PLCH1: variants seen among roughly 807,000 people sequenced by gnomAD.
PLCH1 encodes the protein phospholipase C eta 1.
PLCH1 carries 60 observed loss-of-function variants against 126.7 expected under a neutral mutation model. The observed-to-expected ratio is 0.47, with a 90% CI of 0.38 to 0.59. The LOEUF (loss-of-function observed/expected upper bound fraction) is 0.59, where lower values mean the gene tolerates loss of function less well. Among genes scored for constraint, PLCH1 ranks in the 20% least tolerant of loss-of-function variants. The probability of loss-of-function intolerance (pLI) is 0.00; values close to 1 mark genes in which losing one functional copy is unlikely to be tolerated. For missense variants in PLCH1, 1,723 were observed against 2,040.0 expected (o/e 0.84, Z 2.99); for synonymous variants, 719 against 734.9 (o/e 0.98, Z 0.35).
intron 20 of PLCH1, 63 bp from the exon 21 acceptor site, chr3:155,488,170 G>A (rs765159462): frequency 3.6e-5 from 34 of 943,098 alleles, no homozygotes; most frequent in Admixed American, 3.0e-4. Context: ...TCTCATGGGT[G>A]CAACAAAATT....
At chr3:155,740,917 T>C (rs1484244378) in intron 1 of PLCH1, among the ~76,000 whole-genome samples, 1 of 152,194 alleles carries the variant, frequency 6.6e-6, no homozygotes, top group African/African-American at 2.4e-5. Context: ...CTCTGTAATT[T>C]AATGACTATA....
chr3:155,472,354 T>C (rs1713301446), intron 21 of PLCH1, among the ~76,000 whole-genome samples: 2 of 152,138 alleles, frequency 1.3e-5, no homozygotes. Flanking sequence ...CCTCGACACA[T>C]ACACCCTCCC....
chr3:155,510,872 C>T (rs1164081979), intron 12 of PLCH1, among the ~76,000 whole-genome samples: 3 of 95,266 alleles, frequency 3.1e-5, no homozygotes, highest in South Asian at 4.2e-4. Context: ...TTGTGGCGTT[C>T]TCTGTATTTC....
intron 4 of PLCH1, among the ~76,000 whole-genome samples, chr3:155,586,444 T>C (rs1407560393): frequency 6.6e-6 from 1 of 152,176 alleles, no homozygotes; most frequent in Admixed American, 6.5e-5. Context: ...CAGTGGCTCA[T>C]GCCTATAATC....
intron 2 of PLCH1, among the ~76,000 whole-genome samples, chr3:155,627,249 A>T (rs949367547): frequency 6.6e-6 from 1 of 152,144 alleles, no homozygotes; most frequent in African/African-American, 2.4e-5. Context: ...TCCTGCAGAG[A>T]TACTGACATA....
In PLCH1 at chr3:155,712,834, C is replaced by T. The variant is rs529253444; in HGVS notation, c.-40-8570G>A. On this transcript the variant is annotated intron_variant, in intron 1 of 22. Transcript: ENST00000460012. ...AATTTGTCTATTACACCCTGACTGC[C>T]GTCTCCACCTCTTTCTCTCTACTTT... 2.6e-5 allele frequency among the ~76,000 whole-genome samples: 4 copies of T among 151,504 alleles called. No individual in the cohort carries two copies. In the South Asian group the frequency reaches 8.3e-4, roughly 32 times the overall value.
At chr3:155,565,289 A>T (rs1376035018) in intron 7 of PLCH1, among the ~76,000 whole-genome samples, 171 bp from the exon 8 acceptor site, 1 of 152,068 alleles carries the variant, frequency 6.6e-6, no homozygotes, top group Non-Finnish European at 1.5e-5. Flanking sequence ...GGTCAATAGT[A>T]TGGTTTAGAT....
At chr3:155,525,214 A>T (rs575718201) in intron 10 of PLCH1, among the ~76,000 whole-genome samples, 223 of 152,290 alleles carry the variant, frequency 1.5e-3, no homozygotes, top group African/African-American at 5.2e-3. Context: ...ATTCCATCCC[A>T]TTATGTACAA....
intron 2 of PLCH1, among the ~76,000 whole-genome samples, chr3:155,694,962 T>TTTA (rs1745686823): frequency 6.6e-6 from 1 of 151,406 alleles, no homozygotes; most frequent in Non-Finnish European, 1.5e-5. Context: ...CTTTTTTTTT[T>TTTA]TTTTTTTTAA....
Position 155,494,503 on chromosome 3 carries a change from C to G in PLCH1, c.1909G>C (p.Val637Leu). 6.2e-7 allele frequency: 1 copy of G among 1,607,530 alleles called. No homozygotes were observed. The highest frequency in any genetic ancestry group is 1.1e-5 in the South Asian group (1 of 90,672). Residue 637 changes from valine (V) to leucine (L), a missense_variant, in exon 16 of 23, where the codon GTG (valine) becomes CTG (leucine). By Grantham distance (32) the Val-to-Leu change is conservative. Coordinates refer to ENST00000460012, the MANE Select transcript of PLCH1 (RefSeq NM_014996.4). ...DIVDDGTTGN[V>L]LSFSETRAHQ... is the part of the protein sequence containing the mutation. ...GCTCTTGTTTCACTGAATGATAACA[C>G]ATTTCCTGTGGTTCCTGGCAGTTTT... is the stretch of plus-strand genomic sequence containing the variant.
In PLCH1 at chr3:155,481,958, T is replaced by A; in HGVS notation, c.4068A>T (p.Gly1356=). Residue 1356 remains glycine (G), a synonymous_variant, in exon 23 of 23, where the codon GGA becomes GGT. Coordinates refer to ENST00000460012, the MANE Select transcript of PLCH1 (RefSeq NM_014996.4). The surrounding 1 kb of genome is among the most constrained non-coding windows in gnomAD (Gnocchi z 4.2). ...SGESSLVEID[G]ESENLSLTTC... ...TTGTTAGAGAAAGATTTTCTGATTC[T>A]CCATCAATTTCCACAAGGCTGCTCT... is the stretch of plus-strand genomic sequence containing the variant. 1.2e-6 allele frequency: 2 copies of A among 1,614,150 alleles called. No individual in the cohort carries two copies. Among genetic ancestry groups the A allele is most frequent in the Middle Eastern group, 1.6e-4 (1 of 6,062 alleles).
rs773134516 is a variant in PLCH1, at chr3:155,504,653, T to C, written c.1633-27A>G. The C allele has an allele frequency of 5.1e-5, 73 of 1,439,744 alleles. 1 individual carries two copies. The South Asian group carries it at 8.1e-4, about 16-fold the overall frequency. 89.2% of individuals were successfully genotyped at this position (1,439,744 alleles called of 1,614,324 possible). ...TGAATAAATAAAGGCATAATATAAC[T>C]ATTTATCTTCTTTGCTTTTGTCTTT... On this transcript the variant is annotated intron_variant, in intron 12 of 22. Coordinates refer to ENST00000460012, the MANE Select transcript of PLCH1 (RefSeq NM_014996.4).
intron 10 of PLCH1, among the ~76,000 whole-genome samples, chr3:155,529,296 AC>A (rs1722352840): frequency 6.6e-6 from 1 of 152,232 alleles, no homozygotes; most frequent in African/African-American, 2.4e-5. Context: ...GAGAATGCAA[AC>A]AACTCCGCGA....
intron 7 of PLCH1, among the ~76,000 whole-genome samples, chr3:155,566,035 C>G (rs1156277248): frequency 3.4e-5 from 5 of 148,608 alleles, no homozygotes; most frequent in Non-Finnish European, 5.9e-5. Flanking sequence ...CAGCCTAATA[C>G]AGTCAAATAG....
At chr3:155,688,349 C>A (rs545629918) in intron 2 of PLCH1, among the ~76,000 whole-genome samples, 1 of 152,200 alleles carries the variant, frequency 6.6e-6, no homozygotes, top group African/African-American at 2.4e-5. Context: ...CACAGAAAAT[C>A]CACTTAGCAT....
intron 1 of PLCH1, among the ~76,000 whole-genome samples, chr3:155,715,305 GCTTT>G (rs112808850): frequency 0.04 from 6,051 of 151,812 alleles, 397 homozygotes; most frequent in African/African-American, 0.14. Context: ...CCTTCCATCT[GCTTT>G]CTTTTTTTTT....
At chr3:155,476,005 C>CA (rs1357571658), downstream of PLCH1, among the ~76,000 whole-genome samples, 3 of 151,478 alleles carry the variant, frequency 2.0e-5, no homozygotes, top group Non-Finnish European at 4.4e-5. Flanking sequence ...GAAAAAGACA[C>CA]AAAAAAAGAA....
intron 10 of PLCH1, among the ~76,000 whole-genome samples, chr3:155,546,452 G>A (rs1482165855): frequency 6.6e-6 from 1 of 152,068 alleles, no homozygotes; most frequent in Non-Finnish European, 1.5e-5. Context: ...TCATAAAAAT[G>A]GCCATACTGC....
At chr3:155,516,728 T>C (rs989060154) in intron 11 of PLCH1, among the ~76,000 whole-genome samples, 3 of 151,884 alleles carry the variant, frequency 2.0e-5, no homozygotes, top group Non-Finnish European at 1.5e-5. Flanking sequence ...AGTTGAGAGA[T>C]AGTTTGGGAA....
Sources: allele counts gnomAD v4.1 joint callset (sites outside exome capture counted in the v4.1 genomes callset), GRCh38; gene constraint gnomAD v4.1.1; non-coding constraint Gnocchi (gnomAD v3.1); transcripts MANE v1.5; gene names NCBI Gene and HGNC (gene_info 2026-07-23, HGNC 2026-07-21).